The following TCN2 variants were observed in gnomAD, a reference collection of about 807,000 sequenced individuals.
TCN2 encodes the protein transcobalamin 2.
A neutral mutation model predicts 48.6 loss-of-function variants in TCN2; 34 were observed. That is an observed-to-expected ratio of 0.70 (90% confidence interval 0.53 to 0.93). The LOEUF is 0.93. TCN2 is among the 40% of genes least tolerant of loss of function. TCN2 has a pLI of 0.00. For synonymous variants in TCN2, 283 were observed against 212.5 expected (o/e 1.33, Z -2.89); for missense variants, 652 against 526.1 (o/e 1.24, Z -2.34).
chr22:30,607,407 G>C lies in TCN2; in HGVS notation c.64+12G>C. On this transcript the variant is annotated intron_variant, in intron 1 of 8. Coordinates refer to ENST00000215838, the MANE Select transcript of TCN2 (RefSeq NM_000355.4). ...CACTGAGATGTGTGGTGAGTAACTCGCCTCTATCCTGTGCCTCTTTCCTCC... is the reference window on the plus strand; with the variant it reads ...CACTGAGATGTGTGGTGAGTAACTCCCCTCTATCCTGTGCCTCTTTCCTCC... 2 of 1,614,058 alleles carry C rather than the reference G, an allele frequency of 1.2e-6. No individual in the cohort carries two copies. Among genetic ancestry groups the C allele is most frequent in the Non-Finnish European group, 1.7e-6 (2 of 1,179,952 alleles).
At chr22:30,615,833 G>A (rs370217815) in intron 6 of TCN2, 46 bp downstream of exon 6, 24 of 1,609,318 alleles carry the variant, frequency 1.5e-5, no homozygotes, top group Middle Eastern at 1.6e-4. Context: ...AATCTGCTGC[G>A]CACCCATTGA....
chr22:30,612,203 C>G (rs1484411499), intron 2 of TCN2, among the ~76,000 whole-genome samples: 1 of 152,012 alleles, frequency 6.6e-6, no homozygotes, highest in African/African-American at 2.4e-5. Flanking sequence ...CATGGTGGCA[C>G]CACTGCACTC....
chr22:30,611,161 C>T (rs753929236), intron 2 of TCN2, 98 bp downstream of exon 2: 1 of 1,478,718 alleles, frequency 6.8e-7, no homozygotes, highest in Non-Finnish European at 9.4e-7. Flanking sequence ...GTGGGCAGAC[C>T]TTAGGCAAAT....
In TCN2 at chr22:30,626,522, C is replaced by A; in HGVS notation, c.*1C>A. On this transcript the variant is annotated 3_prime_UTR_variant, in exon 9 of 9. Transcript: ENST00000215838. ...TGAGCTGAGGCTGGTTAGCTGGTAG[C>A]CCCTGAGCTCCCTCATCCCAGCAGC... is the stretch of plus-strand genomic sequence containing the variant. 6.2e-7 allele frequency: 1 copy of A among 1,614,038 alleles called. No homozygotes were observed. Among genetic ancestry groups the A allele is most frequent in the Non-Finnish European group, 8.5e-7 (1 of 1,180,004 alleles).
chr22:30,619,549 T>G (rs960312961), intron 7 of TCN2, among the ~76,000 whole-genome samples: 3 of 152,262 alleles, frequency 2.0e-5, no homozygotes, highest in Non-Finnish European at 4.4e-5. Context: ...TGAAATAAGA[T>G]GAATGTAATT....
chr22:30,612,775 A>G, intron 2 of TCN2, 98 bp from the exon 3 acceptor site: 1 of 1,510,128 alleles, frequency 6.6e-7, no homozygotes, highest in Non-Finnish European at 9.1e-7. Flanking sequence ...CCCACTGTTA[A>G]GATTTTTTCC....
intron 6 of TCN2, 94 bp from the exon 7 acceptor site, chr22:30,617,236 C>A: frequency 1.3e-6 from 2 of 1,560,928 alleles, no homozygotes; most frequent in African/African-American, 1.4e-5. Context: ...TGGGGAAGGA[C>A]AAAGTCCAGG....
At position 30,623,867 on chromosome 22, in the gene TCN2, T is replaced by TAC. The variant is rs2087749295; in HGVS notation, c.1222+785_1222+786insCA. Among the ~76,000 whole-genome samples, 2 of 58,502 alleles carry TAC rather than the reference T, an allele frequency of 3.4e-5. 1 individual carries two copies. Among genetic ancestry groups the TAC allele is most frequent in the Non-Finnish European group, 5.9e-5 (2 of 34,086 alleles). 38.4% of individuals were successfully genotyped at this position (58,502 alleles called of 152,430 possible). A position where few individuals can be genotyped will look rare whatever the true frequency, so the allele number is the denominator to read the frequency against. ...ACATACATACACATACATACACACA[T>TAC]ATATACACACATATATACACACATA... is the stretch of plus-strand genomic sequence containing the variant. On this transcript the variant is annotated intron_variant, in intron 8 of 8. Transcript: ENST00000215838.
At chr22:30,614,100 A>T (rs1188680606) in intron 3 of TCN2, among the ~76,000 whole-genome samples, 1 of 152,194 alleles carries the variant, frequency 6.6e-6, no homozygotes, top group Non-Finnish European at 1.5e-5. Context: ...TTGCAGTCGC[A>T]TGAGCAATTG....
In TCN2 at chr22:30,627,174, G is replaced by A. The variant is rs1311300415; in HGVS notation, c.*653G>A. The A allele has an allele frequency of 6.1e-6, 1 of 164,954 alleles. No individual in the cohort carries two copies. The highest frequency in any genetic ancestry group is 2.4e-5 in the African/African-American group (1 of 41,690). The allele number at this position is 164,954 out of a possible 1,614,324, so 10.2% of individuals were successfully genotyped here. A position where few individuals can be genotyped will look rare whatever the true frequency, so the allele number is the denominator to read the frequency against. On this transcript the variant is annotated 3_prime_UTR_variant, in exon 9 of 9. Coordinates refer to ENST00000215838, the MANE Select transcript of TCN2 (RefSeq NM_000355.4). Reference sequence around the variant, plus strand: ...GCCTGAGCCGCCATGTGGGCATTGGGGGAGTGATGGGAATGCCAGCAGTGA... The same window carrying A: ...GCCTGAGCCGCCATGTGGGCATTGGAGGAGTGATGGGAATGCCAGCAGTGA...
intron 8 of TCN2, among the ~76,000 whole-genome samples, chr22:30,623,743 TAC>T (rs68034821): frequency 0.11 from 4,240 of 38,442 alleles, 1,414 homozygotes; most frequent in Middle Eastern, 0.14. Context: ...TACATATATA[TAC>T]ACACATATAT....
In TCN2 at chr22:30,611,617, C is replaced by T. The variant is rs552706171; in HGVS notation, c.257+554C>T. The stretch of plus-strand genomic sequence containing the variant: ...CCAATTCCCGGGTTCAAGTGATTCT[C>T]GTGCCTCAGCCACCTGAATAGCTGG... On this transcript the variant is annotated intron_variant, in intron 2 of 8. Coordinates refer to ENST00000215838, the MANE Select transcript of TCN2 (RefSeq NM_000355.4). 1.7e-4 allele frequency among the ~76,000 whole-genome samples: 26 copies of T among 152,354 alleles called. 1 individual carries two copies. Among genetic ancestry groups the T allele is most frequent in the East Asian group, 5.8e-4 (3 of 5,194 alleles).
chr22:30,616,274 A>G (rs569783035), intron 6 of TCN2, among the ~76,000 whole-genome samples: 6 of 152,266 alleles, frequency 3.9e-5, no homozygotes, highest in Admixed American at 6.5e-5. Flanking sequence ...ACCTGAGGTC[A>G]GGAGTTCGAG....
Position 30,617,433 on chromosome 22 carries a change from T to C in TCN2, c.1044T>C (p.Ser348=). 1 of 1,614,098 alleles carries C rather than the reference T, an allele frequency of 6.2e-7. No individual in the cohort carries two copies. The highest frequency in any genetic ancestry group is 8.5e-7 in the Non-Finnish European group (1 of 1,180,012). The change falls in exon 7 of 9, where the codon TCT becomes TCC. Residue 348 remains serine, a synonymous_variant. Coordinates refer to ENST00000215838, the MANE Select transcript of TCN2 (RefSeq NM_000355.4). ...SLLPPYRQSI[S]VLAGSTVEDV... Reference sequence around the variant, plus strand: ...TGCCGCCGTACAGACAGTCCATCTCTGTTCTGGCCGGGTCCACCGTGGAAG... The same window carrying C: ...TGCCGCCGTACAGACAGTCCATCTCCGTTCTGGCCGGGTCCACCGTGGAAG...
Position 30,617,406 on chromosome 22 carries a change from C to G in TCN2, c.1017C>G (p.Leu339=), listed in dbSNP as rs35997415. The change falls in exon 7 of 9, where the codon CTC becomes CTG. Residue 339 remains leucine (L), a synonymous_variant. Coordinates refer to ENST00000215838, the MANE Select transcript of TCN2 (RefSeq NM_000355.4). ...IISVTLQVLS[L]LPPYRQSISV... is the part of the protein sequence containing the mutation. ...GTGTCACGCTGCAGGTGCTTAGTCT[C>G]TTGCCGCCGTACAGACAGTCCATCT... The G allele has an allele frequency of 1.8e-4, 294 of 1,614,170 alleles. 1 individual carries two copies. In the Middle Eastern group the frequency reaches 2.3e-3, roughly 13 times the overall value.
chr22:30,610,195 G>C (rs1349194993), intron 1 of TCN2: 10 of 470,894 alleles, frequency 2.1e-5, no homozygotes, highest in South Asian at 1.6e-4. Context: ...TGTTTTCTAA[G>C]AGCTCATCTC....
chr22:30,626,185 A>C (rs2087806684), intron 8 of TCN2, among the ~76,000 whole-genome samples: 1 of 152,074 alleles, frequency 6.6e-6, no homozygotes, highest in Non-Finnish European at 1.5e-5. Context: ...GCACTGCGCA[A>C]GTTTCTCTTC....
chr22:30,613,585 C>T (rs1433688784), intron 3 of TCN2, among the ~76,000 whole-genome samples: 1 of 152,120 alleles, frequency 6.6e-6, no homozygotes, highest in Non-Finnish European at 1.5e-5. Context: ...GGCCCACTGA[C>T]AAGCCTTGTA....
chr22:30,614,458 T>C lies in TCN2; in HGVS notation c.537T>C (p.Leu179=), dbSNP rs1399713830. 1 of 1,614,112 alleles carries C rather than the reference T, an allele frequency of 6.2e-7. No homozygotes were observed. Among genetic ancestry groups the C allele is most frequent in the Non-Finnish European group, 8.5e-7 (1 of 1,180,014 alleles). The change falls in exon 4 of 9, where the codon CTT becomes CTC. Residue 179 remains leucine (L), a synonymous_variant. Transcript: ENST00000215838. ...KRVHDSVVDK[L]LYAVEPFHQG... Reference sequence around the variant, plus strand: ...TCCATGACAGCGTGGTGGACAAACTTCTGTATGCTGTGGAACCTTTCCACC... The same window carrying C: ...TCCATGACAGCGTGGTGGACAAACTCCTGTATGCTGTGGAACCTTTCCACC...
Sources: gnomAD v4.1 joint callset for allele counts (sites outside exome capture counted in the v4.1 genomes callset) on GRCh38, gnomAD v4.1.1 for gene constraint, MANE v1.5 for transcripts, NCBI Gene and HGNC (gene_info 2026-07-23, HGNC 2026-07-21) for gene names.